The following CDH18 variants were observed in gnomAD, a reference collection of about 807,000 sequenced individuals.
The protein encoded by CDH18 is cadherin 18.
CDH18 carries 31 observed loss-of-function variants against 67.9 expected under a neutral mutation model. The observed-to-expected ratio is 0.46, with a 90% CI of 0.34 to 0.62. The LOEUF is 0.62. Among genes scored for constraint, CDH18 ranks in the 20% least tolerant of loss-of-function variants. The probability of loss-of-function intolerance (pLI) is 0.01; values close to 1 mark genes in which losing one functional copy is unlikely to be tolerated. For synonymous variants in CDH18, 362 were observed against 347.2 expected, an observed-to-expected ratio of 1.04 and a Z score of -0.48; for missense variants, 890 against 975.5, an observed-to-expected ratio of 0.91 and a Z score of 1.17.
intron 8 of CDH18, among the ~76,000 whole-genome samples, chr5:19,564,894 G>C (rs187630809): frequency 6.6e-6 from 1 of 152,102 alleles, no homozygotes; most frequent in Admixed American, 6.5e-5. Context: ...AGAGCCCATG[G>C]GCCTTGAGTG....
chr5:20,040,409 A>G (rs933844231), intron 2 of CDH18, among the ~76,000 whole-genome samples: 7 of 152,162 alleles, frequency 4.6e-5, no homozygotes, highest in African/African-American at 1.7e-4. Context: ...TTATAAGTGA[A>G]CAACTAAAAT....
At chr5:19,858,409 T>C (rs1212934457) in intron 2 of CDH18, among the ~76,000 whole-genome samples, 1 of 152,184 alleles carries the variant, frequency 6.6e-6, no homozygotes, top group Admixed American at 6.5e-5. Context: ...ATGTCTAGGT[T>C]TGTCATAAAC....
Position 20,419,952 on chromosome 5 carries a change from T to A in CDH18, c.-580+155510A>T, listed in dbSNP as rs536331166. ...CCTTTCTTTCTGAAAAACAATCTCA[T>A]TAAATAATAACTTTTCTGGTAATAT... On this transcript the variant is annotated intron_variant, in intron 1 of 14. Transcript: ENST00000507958. Among the ~76,000 whole-genome samples the A allele has an allele frequency of 5.3e-5, 8 of 151,290 alleles. No individual in the cohort carries two copies. The South Asian group carries it at 1.4e-3, about 27-fold the overall frequency.
intron 2 of CDH18, among the ~76,000 whole-genome samples, chr5:20,170,173 T>C (rs1736584172): frequency 3.3e-5 from 5 of 151,962 alleles, no homozygotes; most frequent in Admixed American, 3.3e-4. Flanking sequence ...ATGCTTTCCC[T>C]CTTCTTACCC....
At chr5:20,334,800 T>G (rs775368982) in intron 1 of CDH18, among the ~76,000 whole-genome samples, 2 of 139,138 alleles carry the variant, frequency 1.4e-5, no homozygotes, top group Non-Finnish European at 3.1e-5. Flanking sequence ...ACAAATGGCT[T>G]CTCCACCTCA....
chr5:19,636,625 G>A (rs1261874625), intron 5 of CDH18, among the ~76,000 whole-genome samples: 1 of 151,480 alleles, frequency 6.6e-6, no homozygotes, highest in East Asian at 1.9e-4. Flanking sequence ...TAAATCCAAA[G>A]TATTTTCATT....
chr5:20,304,950 C>G lies in CDH18; in HGVS notation c.-579-49445G>C. Reference sequence around the variant, plus strand: ...TCACGTGCTTCACTATCCAATCCCGCACGGAGCAGTTCAAGGCGGCCAACT... The same window carrying G: ...TCACGTGCTTCACTATCCAATCCCGGACGGAGCAGTTCAAGGCGGCCAACT... On this transcript the variant is annotated intron_variant, in intron 1 of 14. Coordinates refer to the CDH18 transcript ENST00000507958. 4 of 1,613,844 alleles carry G rather than the reference C, an allele frequency of 2.5e-6. No homozygotes were observed. The Admixed American group carries it at 5.0e-5, about 20-fold the overall frequency.
At chr5:20,286,242 A>G (rs1263615903) in intron 1 of CDH18, among the ~76,000 whole-genome samples, 2 of 151,612 alleles carry the variant, frequency 1.3e-5, no homozygotes, top group East Asian at 3.9e-4. Context: ...TTAAAAATGA[A>G]AACCTTAACT....
intron 2 of CDH18, among the ~76,000 whole-genome samples, chr5:20,183,307 A>G (rs934840316): frequency 1.3e-5 from 2 of 152,148 alleles, no homozygotes; most frequent in African/African-American, 2.4e-5. Flanking sequence ...TCAGTAGTTT[A>G]GTTCCAAGAT....
intron 2 of CDH18, among the ~76,000 whole-genome samples, chr5:20,109,571 G>A (rs1380059904): frequency 6.6e-6 from 1 of 152,202 alleles, no homozygotes; most frequent in Non-Finnish European, 1.5e-5. Context: ...GCAAATACCT[G>A]TTCAGCAGGT....
intron 1 of CDH18, among the ~76,000 whole-genome samples, chr5:20,300,971 T>C (rs1447420700): frequency 2.0e-5 from 3 of 152,066 alleles, no homozygotes; most frequent in Admixed American, 1.3e-4. Context: ...TTAAAAAAAA[T>C]TGGAGGGGAT....
intron 2 of CDH18, among the ~76,000 whole-genome samples, chr5:20,221,255 A>G (rs1370440442): frequency 6.6e-6 from 1 of 152,130 alleles, no homozygotes; most frequent in Non-Finnish European, 1.5e-5. Flanking sequence ...TGGTACCTAT[A>G]TACACAATGG....
chr5:20,425,909 A>G (rs1163099523), intron 1 of CDH18, among the ~76,000 whole-genome samples: 2 of 151,128 alleles, frequency 1.3e-5, no homozygotes, highest in African/African-American at 4.9e-5. Context: ...GTAGGCTGCT[A>G]TTTACATGCA....
At chr5:20,034,576 C>T (rs944197176) in intron 2 of CDH18, among the ~76,000 whole-genome samples, 1 of 151,972 alleles carries the variant, frequency 6.6e-6, no homozygotes, top group Admixed American at 6.6e-5. Flanking sequence ...CTCATTCAAT[C>T]CATCGAAGGT....
chr5:19,656,118 A>G (rs953204196), intron 5 of CDH18, among the ~76,000 whole-genome samples: 4 of 150,764 alleles, frequency 2.7e-5, no homozygotes, highest in Non-Finnish European at 5.9e-5. Context: ...CCTTAGAGTT[A>G]CCTTCCATGC....
At chr5:20,128,753 T>A (rs1749029283) in intron 2 of CDH18, among the ~76,000 whole-genome samples, 1 of 152,144 alleles carries the variant, frequency 6.6e-6, no homozygotes, top group Non-Finnish European at 1.5e-5. Flanking sequence ...TACATTCGTG[T>A]ATTGACTTAA....
intron 8 of CDH18, among the ~76,000 whole-genome samples, chr5:19,545,357 A>T (rs985381076): frequency 1.3e-5 from 2 of 152,208 alleles, no homozygotes; most frequent in African/African-American, 4.8e-5. Flanking sequence ...TGAATCTCCA[A>T]GAGTTAGGAC....
intron 3 of CDH18, among the ~76,000 whole-genome samples, chr5:19,764,793 T>C (rs1772861254): frequency 6.6e-6 from 1 of 152,160 alleles, no homozygotes; most frequent in African/African-American, 2.4e-5. Flanking sequence ...TCTTTGTCAG[T>C]ATATTAAGAG....
intron 2 of CDH18, among the ~76,000 whole-genome samples, chr5:20,044,383 A>G (rs1740726142): frequency 6.6e-6 from 1 of 152,172 alleles, no homozygotes; most frequent in Admixed American, 6.5e-5. Context: ...GTAAATAATT[A>G]TAATAGACAT....
Sources: gnomAD v4.1 joint callset for allele counts (sites outside exome capture counted in the v4.1 genomes callset) on GRCh38, gnomAD v4.1.1 for gene constraint, MANE v1.5 for transcripts, NCBI Gene and HGNC (gene_info 2026-07-23, HGNC 2026-07-21) for gene names.